Variants in CTIF observed in about 807,000 individuals in gnomAD.
CTIF encodes cap binding complex dependent translation initiation factor.
In CTIF, 21 loss-of-function variants were observed where a neutral mutation model predicts 66.0. The ratio of observed to expected loss-of-function variants is 0.32; its 90% confidence interval spans 0.23 to 0.46. CTIF has a LOEUF of 0.46. Among genes scored for constraint, CTIF ranks in the 20% least tolerant of loss-of-function variants. The probability of loss-of-function intolerance (pLI) is 1.00; values close to 1 mark genes in which losing one functional copy is unlikely to be tolerated. For synonymous variants in CTIF, 345 were observed against 326.4 expected (o/e 1.06, Z -0.62); for missense variants, 739 against 812.7 (o/e 0.91, Z 1.10).
At chr18:48,540,245 C>A (rs1430100435) in intron 1 of CTIF, 1 of 152,072 alleles carries the variant, frequency 6.6e-6, no homozygotes, top group African/African-American at 2.4e-5. Flanking sequence ...GAGGGGTTCA[C>A]TTGACAGGCT....
rs1052126528 is a variant in CTIF at position 48,862,972 on chromosome 18, GAAGA to G, written c.*3422_*3425del. 2.6e-5 allele frequency: 4 copies of G among 152,422 alleles called. No individual in the cohort carries two copies. Among genetic ancestry groups the G allele is most frequent in the Admixed American group, 6.5e-5 (1 of 15,310 alleles). 9.4% of individuals were successfully genotyped at this position (152,422 alleles called of 1,614,324 possible). The stretch of plus-strand genomic sequence containing the variant: ...GCTGGGCCTTTGAGGACACAGATCA[GAAGA>G]AAGAAAGACAACTTTCCTCTGCGCG... On this transcript the variant is annotated 3_prime_UTR_variant, in exon 12 of 12. Coordinates refer to ENST00000256413, the MANE Select transcript of CTIF (RefSeq NM_014772.3).
At chr18:48,842,212 A>T in intron 10 of CTIF, among the ~76,000 whole-genome samples, 1 of 152,136 alleles carries the variant, frequency 6.6e-6, no homozygotes, top group East Asian at 1.9e-4. Flanking sequence ...GCCAATGCCA[A>T]TTACAAGATT....
chr18:48,784,243 C>G (rs555590782), intron 9 of CTIF, among the ~76,000 whole-genome samples: 117 of 152,330 alleles, frequency 7.7e-4, no homozygotes, highest in African/African-American at 2.7e-3. Context: ...GAGGGTGTCT[C>G]ACAGAGAGAG....
At chr18:48,832,707 A>G (rs1054756498) in intron 10 of CTIF, among the ~76,000 whole-genome samples, 1 of 152,234 alleles carries the variant, frequency 6.6e-6, no homozygotes, top group African/African-American at 2.4e-5. Context: ...CTTACTCAGA[A>G]GTATTGAAAC....
At chr18:48,552,428 T>A (rs1043712488) in intron 1 of CTIF, among the ~76,000 whole-genome samples, 1 of 152,188 alleles carries the variant, frequency 6.6e-6, no homozygotes, top group Non-Finnish European at 1.5e-5. Context: ...ACTGAGTAGC[T>A]TATGAACAGG....
chr18:48,584,736 CT>C (rs2089730779), intron 1 of CTIF, among the ~76,000 whole-genome samples: 2 of 152,340 alleles, frequency 1.3e-5, no homozygotes, highest in African/African-American at 4.8e-5. Flanking sequence ...GCTCTCCCAT[CT>C]CTGACGATCT....
intron 10 of CTIF, among the ~76,000 whole-genome samples, chr18:48,856,732 G>A (rs1423961657): frequency 1.3e-5 from 2 of 152,222 alleles, no homozygotes; most frequent in Non-Finnish European, 2.9e-5. Context: ...GAATCGGGGG[G>A]AGTTGCCAGA....
At chr18:48,571,837 T>TGAGA (rs368609013) in intron 1 of CTIF, among the ~76,000 whole-genome samples, 2 of 151,744 alleles carry the variant, frequency 1.3e-5, no homozygotes, top group Middle Eastern at 3.2e-3. Flanking sequence ...AACAGAACCA[T>TGAGA]GAGAGAGAGA....
chr18:48,713,250 T>C (rs2092246994), intron 7 of CTIF, among the ~76,000 whole-genome samples: 1 of 152,102 alleles, frequency 6.6e-6, no homozygotes, highest in African/African-American at 2.4e-5. Context: ...TAGTCTCTGA[T>C]GGCAGGGAAG....
At chr18:48,614,202 G>A (rs1047905582) in intron 1 of CTIF, among the ~76,000 whole-genome samples, 1 of 152,258 alleles carries the variant, frequency 6.6e-6, no homozygotes, top group East Asian at 1.9e-4. Context: ...GAGACACTGA[G>A]CCAGGCTGAA....
At chr18:48,676,551 C>T (rs963855135) in intron 6 of CTIF, among the ~76,000 whole-genome samples, 1 of 152,176 alleles carries the variant, frequency 6.6e-6, no homozygotes, top group Admixed American at 6.5e-5. Context: ...TTGTCCAGAG[C>T]GTGTGACTCA....
chr18:48,557,492 A>C (rs886349067), intron 1 of CTIF, among the ~76,000 whole-genome samples: 2 of 152,242 alleles, frequency 1.3e-5, no homozygotes, highest in Admixed American at 6.5e-5. Flanking sequence ...ACTGCCGTGG[A>C]GAGACCTGTC....
chr18:48,702,160 T>G (rs190731548), intron 6 of CTIF, among the ~76,000 whole-genome samples: 1 of 152,336 alleles, frequency 6.6e-6, no homozygotes, highest in Non-Finnish European at 1.5e-5. Context: ...AAAGGGTGTG[T>G]GCAGTTTATT....
chr18:48,651,969 G>A (rs1043684287), intron 3 of CTIF, among the ~76,000 whole-genome samples: 2 of 152,228 alleles, frequency 1.3e-5, no homozygotes, highest in Non-Finnish European at 2.9e-5. Context: ...TTAAAGCAGT[G>A]TGTAGAGGGA....
rs180807385 is a variant in CTIF, at chr18:48,589,090, G to A, written c.-28-30448G>A. Among the ~76,000 whole-genome samples, 188 of 152,308 alleles carry A rather than the reference G, an allele frequency of 1.2e-3. 1 individual carries two copies. Among genetic ancestry groups the A allele is most frequent in the African/African-American group, 4.1e-3 (171 of 41,560 alleles). ...TGGGAAGGGGCAAATGCTGGGTCAC[G>A]TCGTTGGAGGTTTGTGGCAGGGACT... is the stretch of plus-strand genomic sequence containing the variant. On this transcript the variant is annotated intron_variant, in intron 1 of 11. Transcript: ENST00000256413.
At chr18:48,828,266 C>G (rs775385243) in intron 10 of CTIF, among the ~76,000 whole-genome samples, 7 of 152,176 alleles carry the variant, frequency 4.6e-5, no homozygotes, top group Non-Finnish European at 7.3e-5. Flanking sequence ...CTCAACATGG[C>G]TCAGGAGGAC....
At chr18:48,650,918 A>G (rs913978227) in intron 3 of CTIF, among the ~76,000 whole-genome samples, 4 of 152,208 alleles carry the variant, frequency 2.6e-5, no homozygotes, top group Non-Finnish European at 5.9e-5. Context: ...AAGGAGAAAT[A>G]AAACCCTTCA....
chr18:48,634,045 A>G (rs1399780433), intron 2 of CTIF, among the ~76,000 whole-genome samples: 1 of 152,178 alleles, frequency 6.6e-6, no homozygotes, highest in Non-Finnish European at 1.5e-5. Flanking sequence ...TGTAATTGCC[A>G]CATCTCCTCT....
At chr18:48,623,703 G>A (rs1298958515) in intron 2 of CTIF, among the ~76,000 whole-genome samples, 5 of 152,124 alleles carry the variant, frequency 3.3e-5, no homozygotes, top group Admixed American at 1.3e-4. Flanking sequence ...CTGAGGGAGT[G>A]GAGAGGAATG....
Sources: allele counts gnomAD v4.1 joint callset (sites outside exome capture counted in the v4.1 genomes callset), GRCh38; gene constraint gnomAD v4.1.1; transcripts MANE v1.5; gene names NCBI Gene and HGNC (gene_info 2026-07-23, HGNC 2026-07-21).